Variants in DPP6 observed in about 807,000 individuals in gnomAD.
DPP6 encodes the protein A-type potassium channel modulatory protein DPP6.
In DPP6, 69 loss-of-function variants were observed where a neutral mutation model predicts 122.6. That is an observed-to-expected ratio of 0.56 (90% confidence interval 0.46 to 0.69). The LOEUF is 0.69. DPP6 is among the 30% of genes least tolerant of loss of function. The probability of loss-of-function intolerance (pLI) is 0.00; values close to 1 mark genes in which losing one functional copy is unlikely to be tolerated. For synonymous variants in DPP6, 418 were observed against 433.1 expected (o/e 0.97, Z 0.43); for missense variants, 928 against 1,116.9 (o/e 0.83, Z 2.41).
At chr7:154,766,773 G>A (rs767517966) in intron 8 of DPP6, among the ~76,000 whole-genome samples, 1 of 152,118 alleles carries the variant, frequency 6.6e-6, no homozygotes, top group Non-Finnish European at 1.5e-5. Context: ...ATTTTTTTCA[G>A]TCTCTTGTCC....
chr7:154,168,701 C>T (rs1361888502), intron 1 of DPP6, among the ~76,000 whole-genome samples: 1 of 152,156 alleles, frequency 6.6e-6, no homozygotes, highest in African/African-American at 2.4e-5. Flanking sequence ...CCACCGACAT[C>T]AGAACTGGTG....
chr7:153,985,845 A>T (rs1796818021), intron 1 of DPP6, among the ~76,000 whole-genome samples: 1 of 152,206 alleles, frequency 6.6e-6, no homozygotes, highest in Non-Finnish European at 1.5e-5. Context: ...GACATTCTGG[A>T]ACAAAAATCT....
intron 1 of DPP6, among the ~76,000 whole-genome samples, chr7:153,932,374 C>G (rs896276949): frequency 6.6e-6 from 1 of 152,144 alleles, no homozygotes; most frequent in Non-Finnish European, 1.5e-5. Flanking sequence ...ACCCACTCCT[C>G]GGCCTCCCAA....
chr7:154,265,373 G>T (rs1052740108), intron 1 of DPP6, among the ~76,000 whole-genome samples: 1 of 152,144 alleles, frequency 6.6e-6, no homozygotes, highest in Admixed American at 6.6e-5. Flanking sequence ...TAGATCATTG[G>T]GCAAAAAGAA....
intron 3 of DPP6, among the ~76,000 whole-genome samples, chr7:154,488,654 A>C (rs1824006837): frequency 6.6e-6 from 1 of 151,864 alleles, no homozygotes; most frequent in South Asian, 2.1e-4. Flanking sequence ...CTAAGTTCTT[A>C]ATCACTTAGC....
At chr7:154,315,836 TTAAC>T (rs1325912056) in intron 1 of DPP6, among the ~76,000 whole-genome samples, 1 of 152,174 alleles carries the variant, frequency 6.6e-6, no homozygotes, top group Non-Finnish European at 1.5e-5. Flanking sequence ...AGGGGTCAGT[TTAAC>T]TAAGAACCCC....
chr7:154,710,924 C>G (rs551710340), intron 7 of DPP6, among the ~76,000 whole-genome samples: 1 of 152,136 alleles, frequency 6.6e-6, no homozygotes, highest in African/African-American at 2.4e-5. Flanking sequence ...GTGCTTCGCC[C>G]TATAAATTAT....
chr7:153,760,202 C>G, the DPP6 span, among the ~76,000 whole-genome samples: 1 of 152,140 alleles, frequency 6.6e-6, no homozygotes, highest in East Asian at 1.9e-4. Context: ...GTGAATCCCA[C>G]CCAGTGTATT....
chr7:154,117,364 G>T (rs1238717822), intron 1 of DPP6, among the ~76,000 whole-genome samples: 2 of 152,148 alleles, frequency 1.3e-5, no homozygotes, highest in African/African-American at 4.8e-5. Context: ...AGTTACTGCA[G>T]TCCTGTCTTG....
chr7:153,824,937 C>T, the DPP6 span, among the ~76,000 whole-genome samples: 1 of 152,100 alleles, frequency 6.6e-6, no homozygotes, highest in African/African-American at 2.4e-5. Context: ...AGTTCATCAC[C>T]CCTTTGCCTT....
chr7:154,509,434 A>C (rs1279349132), intron 3 of DPP6, among the ~76,000 whole-genome samples: 1 of 151,950 alleles, frequency 6.6e-6, no homozygotes, highest in Non-Finnish European at 1.5e-5. Flanking sequence ...ATGAGACACT[A>C]CTCCCCTCTT....
the DPP6 span, among the ~76,000 whole-genome samples, chr7:153,811,068 T>C: frequency 2.6e-5 from 4 of 151,798 alleles, no homozygotes; most frequent in Non-Finnish European, 5.9e-5. Flanking sequence ...CTGCTGACCC[T>C]CTGGTGAGAA....
At chr7:154,574,144 T>C (rs996319478) in intron 5 of DPP6, among the ~76,000 whole-genome samples, 2 of 152,232 alleles carry the variant, frequency 1.3e-5, no homozygotes, top group Non-Finnish European at 2.9e-5. Context: ...ACAATGGTTC[T>C]TTTCTCAACA....
intron 8 of DPP6, among the ~76,000 whole-genome samples, chr7:154,756,384 C>T (rs964709897): frequency 3.9e-5 from 6 of 152,254 alleles, no homozygotes; most frequent in Non-Finnish European, 7.4e-5. Flanking sequence ...GCCCCATGGT[C>T]ATAATCAATG....
At chr7:154,407,953 G>T (rs1283192760) in intron 1 of DPP6, among the ~76,000 whole-genome samples, 1 of 152,122 alleles carries the variant, frequency 6.6e-6, no homozygotes, top group Non-Finnish European at 1.5e-5. Context: ...ATTTAACTTT[G>T]GGAACAGTAA....
intron 1 of DPP6, among the ~76,000 whole-genome samples, chr7:154,344,199 T>C (rs938642657): frequency 3.3e-5 from 5 of 152,212 alleles, no homozygotes; most frequent in Non-Finnish European, 2.9e-5. Flanking sequence ...CACAATTGTC[T>C]GTTCCCAAGC....
At chr7:154,763,347 GGAAGGAAGGA>G (rs1795684256) in intron 8 of DPP6, among the ~76,000 whole-genome samples, 2 of 124,424 alleles carry the variant, frequency 1.6e-5, no homozygotes, top group South Asian at 2.7e-4. Context: ...AAGGAAGGAA[GGAAGGAAGGA>G]GAGAGAGAGA....
chr7:154,313,716 C>CATATATATATATATATATACGCAT lies in DPP6; in HGVS notation c.244-132497_244-132496insTATATATATATATATATACGCATA. 3.5e-3 allele frequency among the ~76,000 whole-genome samples: 78 copies of CATATATATATATATATATACGCAT among 22,304 alleles called. 7 individuals are homozygous for CATATATATATATATATATACGCAT. Among genetic ancestry groups the CATATATATATATATATATACGCAT allele is most frequent in the African/African-American group, 8.6e-3 (77 of 8,948 alleles). 14.6% of individuals were successfully genotyped at this position (22,304 alleles called of 152,430 possible). On this transcript the variant is annotated intron_variant, in intron 1 of 25. Coordinates refer to ENST00000377770, the MANE Select transcript of DPP6 (RefSeq NM_130797.4). ...ATATATATATATATATATATATATACACACACACGCACGCACACACACACA... is the reference window on the plus strand; with the variant it reads ...ATATATATATATATATATATATATACATATATATATATATATATACGCATACACACACGCACGCACACACACACA...
chr7:154,802,854 A>AG (rs1563227594), intron 13 of DPP6, among the ~76,000 whole-genome samples: 1 of 147,314 alleles, frequency 6.8e-6, no homozygotes, highest in African/African-American at 2.5e-5. Context: ...AAAAAAAAAA[A>AG]GATTTATAAA....
Sources: gnomAD v4.1 joint callset for allele counts (sites outside exome capture counted in the v4.1 genomes callset) on GRCh38, gnomAD v4.1.1 for gene constraint, MANE v1.5 for transcripts, NCBI Gene and HGNC (gene_info 2026-07-23, HGNC 2026-07-21) for gene names.